GALNT6: variants seen among roughly 807,000 people sequenced by gnomAD.
The protein encoded by GALNT6 is polypeptide N-acetylgalactosaminyltransferase 6, also known as GalNAc transferase 6.
A neutral mutation model predicts 65.9 loss-of-function variants in GALNT6; 51 were observed. That is an observed-to-expected ratio of 0.77 (90% CI 0.62 to 0.98). The LOEUF is 0.98. GALNT6 is among the 50% of genes least tolerant of loss of function. GALNT6 has a pLI of 0.00. For missense variants in GALNT6, 708 were observed against 803.3 expected (o/e 0.88, Z 1.43); for synonymous variants, 323 against 315.1 (o/e 1.02, Z -0.26).
At chr12:51,362,404 C>T (rs548424055) in intron 6 of GALNT6, among the ~76,000 whole-genome samples, 6 of 152,030 alleles carry the variant, frequency 3.9e-5, no homozygotes, top group East Asian at 1.9e-4. Flanking sequence ...GATGGGAGGC[C>T]GGGAGGGGAC....
intron 3 of GALNT6, among the ~76,000 whole-genome samples, chr12:51,377,750 C>A (rs1947511361): frequency 6.6e-6 from 1 of 152,174 alleles, no homozygotes; most frequent in South Asian, 2.1e-4. Flanking sequence ...CCAGAGGTCC[C>A]AGAGGGGTAG....
At chr12:51,365,377 C>G (rs1947064209) in intron 5 of GALNT6, 53 bp downstream of exon 5, 1 of 1,535,992 alleles carries the variant, frequency 6.5e-7, no homozygotes, top group Non-Finnish European at 8.9e-7. Flanking sequence ...CTGGCTCATT[C>G]TAGCAGGGAG....
Position 51,364,303 on chromosome 12 carries a change from G to C in GALNT6, c.867C>G (p.Asp289Glu). The change falls in exon 6 of 12, where the codon GAC (aspartate) becomes GAG (glutamate). Residue 289 changes from aspartate (D) to glutamate (E), a missense_variant. Coordinates refer to ENST00000356317, the MANE Select transcript of GALNT6 (RefSeq NM_007210.4). ...TGTCTGGGCTCACCACCACTGTCTT[G>C]TCCTCAGCGATTCGAGCCAGGAGGG... The part of the protein sequence containing the change: ...LEPLLARIAE[D>E]KTVVVSPDIV... 1 of 1,614,204 alleles carries C rather than the reference G, an allele frequency of 6.2e-7. No individual in the cohort carries two copies. The highest frequency in any genetic ancestry group is 1.7e-5 in the Admixed American group (1 of 60,030).
chr12:51,359,927 T>C (rs905145956), intron 7 of GALNT6: 1 of 152,164 alleles, frequency 6.6e-6, no homozygotes, highest in Non-Finnish European at 1.5e-5. Context: ...CTCCCACTGG[T>C]TTCTTCTTTT....
Position 51,354,243 on chromosome 12 carries a change from G to A in GALNT6, c.*136C>T. On this transcript the variant is annotated 3_prime_UTR_variant, in exon 12 of 12. Coordinates refer to ENST00000356317, the MANE Select transcript of GALNT6 (RefSeq NM_007210.4). Reference sequence around the variant, plus strand: ...CAATGTTGTTGCAAGGATTAGGAAGGTCCTGCCTTGCCACCCAGTGGGTTT... The same window carrying A: ...CAATGTTGTTGCAAGGATTAGGAAGATCCTGCCTTGCCACCCAGTGGGTTT... The A allele has an allele frequency of 1.8e-6, 1 of 556,974 alleles. No individual in the cohort carries two copies. Among genetic ancestry groups the A allele is most frequent in the Non-Finnish European group, 3.1e-6 (1 of 317,632 alleles). 34.5% of individuals were successfully genotyped at this position (556,974 alleles called of 1,614,324 possible).
intron 2 of GALNT6, among the ~76,000 whole-genome samples, chr12:51,389,427 A>G (rs1947947407): frequency 1.3e-5 from 2 of 152,234 alleles, no homozygotes; most frequent in Non-Finnish European, 2.9e-5. Context: ...ACAGCTAGAA[A>G]TGTGGCAGAG....
chr12:51,356,070 G>C (rs561100295), intron 10 of GALNT6, 112 bp from the exon 11 acceptor site: 1 of 918,950 alleles, frequency 1.1e-6, no homozygotes, highest in Non-Finnish European at 1.7e-6. Flanking sequence ...GTGAATGTGA[G>C]GCCATGCCAA....
intron 4 of GALNT6, among the ~76,000 whole-genome samples, chr12:51,375,807 T>C (rs1947433643): frequency 6.6e-6 from 1 of 152,162 alleles, no homozygotes; most frequent in South Asian, 2.1e-4. Flanking sequence ...TCTGCCTGCC[T>C]CGGCCTCCCA....
intron 6 of GALNT6, 73 bp from the exon 7 acceptor site, chr12:51,360,911 T>A (rs1308065965): frequency 3.1e-6 from 3 of 960,802 alleles, no homozygotes; most frequent in Non-Finnish European, 5.0e-6. Flanking sequence ...GAAAGCTGTT[T>A]GTGGACTCCC....
intron 2 of GALNT6, among the ~76,000 whole-genome samples, chr12:51,388,368 G>C (rs547546628): frequency 1.3e-5 from 2 of 152,318 alleles, no homozygotes; most frequent in South Asian, 4.1e-4. Context: ...AACACAGAGG[G>C]GCTGGCCGGG....
At chr12:51,389,421 C>T (rs1247446072) in intron 2 of GALNT6, among the ~76,000 whole-genome samples, 1 of 152,222 alleles carries the variant, frequency 6.6e-6, no homozygotes, top group Non-Finnish European at 1.5e-5. Flanking sequence ...GGTCACACAG[C>T]TAGAAATGTG....
chr12:51,384,761 T>A (rs1947778077), intron 2 of GALNT6, among the ~76,000 whole-genome samples: 1 of 150,988 alleles, frequency 6.6e-6, no homozygotes, highest in South Asian at 2.1e-4. Flanking sequence ...GGCATAGGCC[T>A]GTAATCTCAG....
intron 4 of GALNT6, among the ~76,000 whole-genome samples, chr12:51,367,094 T>A (rs887848348): frequency 2.0e-5 from 3 of 152,002 alleles, no homozygotes; most frequent in Non-Finnish European, 2.9e-5. Flanking sequence ...AGAAACCCTG[T>A]CTCTACTGAA....
intron 2 of GALNT6, among the ~76,000 whole-genome samples, chr12:51,390,475 A>T (rs577584643): frequency 6.6e-5 from 10 of 152,274 alleles, no homozygotes; most frequent in African/African-American, 2.4e-4. Context: ...GAACCAAAGC[A>T]TATTTCAAAC....
chr12:51,357,016 A>T (rs903067805), intron 10 of GALNT6, among the ~76,000 whole-genome samples: 2 of 152,146 alleles, frequency 1.3e-5, no homozygotes, highest in Non-Finnish European at 2.9e-5. Context: ...CAGAGGATGC[A>T]TTGAAGATAG....
intron 2 of GALNT6, among the ~76,000 whole-genome samples, chr12:51,386,529 GTTTC>G (rs1054621078): frequency 2.6e-5 from 4 of 152,192 alleles, no homozygotes; most frequent in Non-Finnish European, 4.4e-5. Context: ...TTGTAACAAT[GTTTC>G]TTTCTATTTA....
chr12:51,378,144 C>T (rs1467136330), intron 3 of GALNT6, among the ~76,000 whole-genome samples: 1 of 152,146 alleles, frequency 6.6e-6, no homozygotes, highest in East Asian at 1.9e-4. Context: ...CTGTCACACC[C>T]AGTGCTCTTC....
In GALNT6 at chr12:51,354,291, C is replaced by T; in HGVS notation, c.*88G>A. Reference sequence around the variant, plus strand: ...TTTAGAAATCCATCTTTACGGCCTCCAGAGAAGCTGGTGATCAGGTTCCCA... The same window carrying T: ...TTTAGAAATCCATCTTTACGGCCTCTAGAGAAGCTGGTGATCAGGTTCCCA... On this transcript the variant is annotated 3_prime_UTR_variant, in exon 12 of 12. Transcript: ENST00000356317. The T allele has an allele frequency of 1.4e-6, 1 of 725,166 alleles. No homozygotes were observed. Among genetic ancestry groups the T allele is most frequent in the South Asian group, 2.1e-5 (1 of 48,214 alleles). 44.9% of individuals were successfully genotyped at this position (725,166 alleles called of 1,614,324 possible).
intron 6 of GALNT6, among the ~76,000 whole-genome samples, chr12:51,363,692 C>T (rs949993401): frequency 2.0e-5 from 3 of 152,186 alleles, no homozygotes; most frequent in Non-Finnish European, 4.4e-5. Context: ...CCTCTTATTA[C>T]AGTGACTATT....
Sources: allele counts gnomAD v4.1 joint callset (sites outside exome capture counted in the v4.1 genomes callset), GRCh38; gene constraint gnomAD v4.1.1; transcripts MANE v1.5; gene names NCBI Gene and HGNC (gene_info 2026-07-23, HGNC 2026-07-21).